Variants in GPHN observed in about 807,000 individuals in gnomAD.
The protein encoded by GPHN is gephyrin.
GPHN carries 17 observed loss-of-function variants against 95.5 expected under a neutral mutation model. That is an observed-to-expected ratio of 0.18 (90% confidence interval 0.12 to 0.27). The LOEUF (loss-of-function observed/expected upper bound fraction) is 0.27, where lower values mean the gene tolerates loss of function less well. Among genes scored for constraint, GPHN ranks in the 10% least tolerant of loss-of-function variants. The probability of loss-of-function intolerance (pLI) is 1.00; values close to 1 mark genes in which losing one functional copy is unlikely to be tolerated. For missense variants in GPHN, 660 were observed against 978.1 expected, an observed-to-expected ratio of 0.67 and a Z score of 4.34; for synonymous variants, 320 against 322.5, an observed-to-expected ratio of 0.99 and a Z score of 0.08.
At chr14:67,576,066 C>A in the GPHN span, 1 of 1,333,990 alleles carries the variant, frequency 7.5e-7, no homozygotes, top group Non-Finnish European at 1.0e-6. The surrounding 1 kb of genome is among the most constrained non-coding windows in gnomAD (Gnocchi z 4.0). Flanking sequence ...ATCTTCCCTT[C>A]TCTCTTTCTC....
the GPHN span, among the ~76,000 whole-genome samples, chr14:67,477,851 C>T: frequency 1.3e-5 from 2 of 152,196 alleles, no homozygotes; most frequent in Non-Finnish European, 2.9e-5. Flanking sequence ...ATTAATGGCA[C>T]CACCATGCAC....
chr14:66,570,099 T>G (rs1408490734), intron 1 of GPHN, among the ~76,000 whole-genome samples: 1 of 152,126 alleles, frequency 6.6e-6, no homozygotes, highest in African/African-American at 2.4e-5. Context: ...TTGAGGATAT[T>G]ATGTTGTGAA....
chr14:66,590,451 T>C (rs369458273), intron 1 of GPHN, among the ~76,000 whole-genome samples: 2 of 151,836 alleles, frequency 1.3e-5, no homozygotes, highest in East Asian at 3.9e-4. Flanking sequence ...AAACAGACAT[T>C]ATAAAAATGA....
chr14:66,525,957 T>G (rs879456685), intron 1 of GPHN, among the ~76,000 whole-genome samples: 1 of 152,188 alleles, frequency 6.6e-6, no homozygotes, highest in Non-Finnish European at 1.5e-5. Context: ...TAGGATTGTC[T>G]TGGCTATGTG....
At chr14:67,366,103 A>G in the GPHN span, among the ~76,000 whole-genome samples, 46,722 of 149,668 alleles carry the variant, frequency 0.31, 11,120 homozygotes, top group African/African-American at 0.64. Context: ...TTTTTTAAGA[A>G]TTGGGGTCTT....
chr14:67,586,614 G>A, the GPHN span: 1 of 437,252 alleles, frequency 2.3e-6, no homozygotes, highest in Non-Finnish European at 4.0e-6. Flanking sequence ...GTGTTGACCA[G>A]CAAAAATAAT....
At chr14:67,179,074 C>T (rs948719838) in intron 21 of GPHN, among the ~76,000 whole-genome samples, 5 of 152,316 alleles carry the variant, frequency 3.3e-5, no homozygotes, top group African/African-American at 9.6e-5. Context: ...AACCCAACCC[C>T]TAGACTTCCT....
At chr14:66,834,748 A>C (rs2061725400) in intron 4 of GPHN, among the ~76,000 whole-genome samples, 1 of 151,272 alleles carries the variant, frequency 6.6e-6, no homozygotes, top group Non-Finnish European at 1.5e-5. Flanking sequence ...CGGCTTTGGT[A>C]TCAGAATGAT....
At chr14:67,300,712 T>C in the GPHN span, among the ~76,000 whole-genome samples, 1 of 152,094 alleles carries the variant, frequency 6.6e-6, no homozygotes, top group Non-Finnish European at 1.5e-5. Flanking sequence ...CTAAAAAAAT[T>C]TATAACCAAG....
intron 1 of GPHN, among the ~76,000 whole-genome samples, chr14:66,596,445 C>T (rs1372126705): frequency 6.6e-6 from 1 of 152,114 alleles, no homozygotes; most frequent in Non-Finnish European, 1.5e-5. Context: ...GCTGTTTGTG[C>T]TGAATGTTGC....
At chr14:67,669,596 G>GAA in the GPHN span, among the ~76,000 whole-genome samples, 1 of 152,044 alleles carries the variant, frequency 6.6e-6, no homozygotes, top group African/African-American at 2.4e-5. Flanking sequence ...GGCAGAAGAA[G>GAA]AAACATTTTG....
At chr14:67,513,323 T>C in the GPHN span, among the ~76,000 whole-genome samples, 208 of 152,258 alleles carry the variant, frequency 1.4e-3, no homozygotes, top group African/African-American at 4.9e-3. Context: ...AATGGGAAGG[T>C]CCATAGAAGT....
At chr14:66,839,938 C>T (rs1259672787) in intron 4 of GPHN, among the ~76,000 whole-genome samples, 2 of 152,068 alleles carry the variant, frequency 1.3e-5, no homozygotes, top group Non-Finnish European at 2.9e-5. Context: ...GAATATCACC[C>T]TCTTTAATAA....
At position 66,954,542 on chromosome 14, in the gene GPHN, G is replaced by T. The variant is rs147360389; in HGVS notation, c.829-10649G>T. Among the ~76,000 whole-genome samples, 923 of 152,216 alleles carry T rather than the reference G, an allele frequency of 6.1e-3. 31 individuals carry two copies. Among genetic ancestry groups the T allele is most frequent in the Admixed American group, 0.049 (742 of 15,278 alleles). On this transcript the variant is annotated intron_variant, in intron 8 of 22. Coordinates refer to ENST00000478722, the MANE Select transcript of GPHN (RefSeq NM_020806.5). ...CTTGTTCTTTTTGTGGATGTTTCAG[G>T]AATATGTATATATATAAAACCATGT...
the GPHN span, chr14:67,592,764 T>G: frequency 4.9e-4 from 558 of 1,136,044 alleles, 5 homozygotes; most frequent in East Asian, 0.012. Flanking sequence ...GAAACTCATT[T>G]TGCATTCTTT....
At chr14:67,328,314 C>A in the GPHN span, among the ~76,000 whole-genome samples, 1 of 152,184 alleles carries the variant, frequency 6.6e-6, no homozygotes, top group Non-Finnish European at 1.5e-5. Context: ...CCTTTGCCCA[C>A]TTTTTGATGG....
At chr14:66,988,972 G>C (rs1006838758) in intron 9 of GPHN, among the ~76,000 whole-genome samples, 6 of 151,900 alleles carry the variant, frequency 3.9e-5, no homozygotes, top group Non-Finnish European at 8.8e-5. Flanking sequence ...ATTAAAGTTA[G>C]GGATATGATA....
At chr14:66,590,315 A>G (rs58607860) in intron 1 of GPHN, among the ~76,000 whole-genome samples, 47,172 of 152,000 alleles carry the variant, frequency 0.31, 11,152 homozygotes, top group African/African-American at 0.64. Flanking sequence ...ACAAGAAATA[A>G]CTAAGATGAG....
At chr14:67,381,479 T>C in the GPHN span, 2 of 730,068 alleles carry the variant, frequency 2.7e-6, no homozygotes, top group Non-Finnish European at 2.3e-6. Context: ...TATAGAGAGG[T>C]TGGATTCAGT....
Sources: allele counts gnomAD v4.1 joint callset (sites outside exome capture counted in the v4.1 genomes callset), GRCh38; gene constraint gnomAD v4.1.1; non-coding constraint Gnocchi (gnomAD v3.1); transcripts MANE v1.5; gene names NCBI Gene and HGNC (gene_info 2026-07-23, HGNC 2026-07-21).